SNX8: variants seen among roughly 807,000 people sequenced by gnomAD.
The protein encoded by SNX8 is sorting nexin-8.
SNX8 carries 25 observed loss-of-function variants against 51.6 expected under a neutral mutation model. That is an observed-to-expected ratio of 0.48 (90% CI 0.35 to 0.68). The LOEUF (loss-of-function observed/expected upper bound fraction) is 0.68. SNX8 is among the 30% of genes least tolerant of loss of function. The pLI is 0.00. For missense variants in SNX8, 695 were observed against 624.0 expected (o/e 1.11, Z -1.21); for synonymous variants, 324 against 277.0 (o/e 1.17, Z -1.68).
At chr7:2,259,252 T>C (rs1795277893) in intron 7 of SNX8, among the ~76,000 whole-genome samples, 1 of 152,164 alleles carries the variant, frequency 6.6e-6, no homozygotes, top group South Asian at 2.1e-4. Flanking sequence ...GCCAGGCCGA[T>C]GGCAGGTATC....
At chr7:2,303,363 C>G (rs984340880) in intron 1 of SNX8, among the ~76,000 whole-genome samples, 5 of 151,280 alleles carry the variant, frequency 3.3e-5, no homozygotes, top group African/African-American at 7.3e-5. Flanking sequence ...GCCAGCCGCC[C>G]CGTCTGGGAG....
At chr7:2,283,526 T>A (rs112023656) in intron 1 of SNX8, among the ~76,000 whole-genome samples, 1 of 152,242 alleles carries the variant, frequency 6.6e-6, no homozygotes, top group East Asian at 1.9e-4. Flanking sequence ...TGGTTCCTAC[T>A]GTCCCGTTTA....
intron 10 of SNX8, 42 bp from the exon 11 acceptor site, chr7:2,255,211 G>A (rs375447746): frequency 3.4e-5 from 44 of 1,282,884 alleles, no homozygotes; most frequent in African/African-American, 8.8e-5. Flanking sequence ...AGGCGGGGCC[G>A]GGGCTCCTCC....
chr7:2,259,034 G>A (rs1394352526), intron 7 of SNX8, among the ~76,000 whole-genome samples: 2 of 152,180 alleles, frequency 1.3e-5, no homozygotes, highest in Non-Finnish European at 1.5e-5. Context: ...GCGCAGGCCA[G>A]GCACAGTGCA....
chr7:2,315,285 C>T (rs183936275), upstream of SNX8, among the ~76,000 whole-genome samples: 93 of 151,534 alleles, frequency 6.1e-4, no homozygotes, highest in Non-Finnish European at 1.2e-3. Context: ...CCCACTCACC[C>T]ACTCACTCAC....
At chr7:2,327,309 G>A (rs183538556) in intron 1 of SNX8, among the ~76,000 whole-genome samples, 75 of 152,072 alleles carry the variant, frequency 4.9e-4, no homozygotes, top group Non-Finnish European at 5.9e-4. Flanking sequence ...GTGCAATCTC[G>A]GCTCACTGCA....
At chr7:2,264,690 G>A (rs1795423540) in intron 5 of SNX8, among the ~76,000 whole-genome samples, 2 of 152,318 alleles carry the variant, frequency 1.3e-5, no homozygotes, top group South Asian at 4.1e-4. Context: ...CCCATGGGAT[G>A]AGGACCACAG....
intron 1 of SNX8, among the ~76,000 whole-genome samples, chr7:2,307,175 A>G (rs1381862696): frequency 1.3e-5 from 2 of 152,112 alleles, no homozygotes; most frequent in Non-Finnish European, 2.9e-5. Context: ...ACCCCTCCTC[A>G]GTCCTCCCAA....
At chr7:2,265,136 C>T (rs904858327) in intron 5 of SNX8, among the ~76,000 whole-genome samples, 1 of 152,014 alleles carries the variant, frequency 6.6e-6, no homozygotes, top group Non-Finnish European at 1.5e-5. Context: ...GGGCGAATCA[C>T]GAGGTAAGGA....
chr7:2,339,913 T>C (rs1055623289), intron 1 of SNX8, among the ~76,000 whole-genome samples: 4 of 152,248 alleles, frequency 2.6e-5, no homozygotes, highest in Middle Eastern at 3.4e-3. Context: ...CACTTCGATA[T>C]CACTGGGAAA....
At chr7:2,293,895 G>A (rs749639387) in intron 1 of SNX8, among the ~76,000 whole-genome samples, 2 of 151,572 alleles carry the variant, frequency 1.3e-5, no homozygotes, top group Non-Finnish European at 2.9e-5. Flanking sequence ...GTACCCGGGA[G>A]GGGGAGGTTG....
chr7:2,268,343 G>A (rs1378461634), intron 5 of SNX8, among the ~76,000 whole-genome samples: 9 of 143,754 alleles, frequency 6.3e-5, no homozygotes, highest in South Asian at 2.3e-4. Flanking sequence ...CCCTCCGCCC[G>A]GCAGCTGCCC....
chr7:2,275,378 G>T, intron 2 of SNX8, 149 bp from the exon 3 acceptor site: 1 of 666,570 alleles, frequency 1.5e-6, no homozygotes, highest in Non-Finnish European at 2.7e-6. Context: ...TGACGGCTTC[G>T]TATATGGAAA....
upstream of SNX8, among the ~76,000 whole-genome samples, chr7:2,316,927 T>C (rs1796767057): frequency 6.6e-6 from 1 of 152,220 alleles, no homozygotes; most frequent in Admixed American, 6.6e-5. Context: ...GTGCATTCCT[T>C]GATCTGGAGG....
Position 2,313,090 on chromosome 7 carries a change from A to G in SNX8, c.94+1238T>C, listed in dbSNP as rs191863031. ...TTTTTTTTGTATTTTTAGTAGAGAC[A>G]GGGTTTCACCGTGTTAGCCAGGATG... On this transcript the variant is annotated intron_variant, in intron 1 of 10. Transcript: ENST00000222990. Among the ~76,000 whole-genome samples, 1,088 of 151,772 alleles carry G rather than the reference A, an allele frequency of 7.2e-3. 11 individuals carry two copies. Among genetic ancestry groups the G allele is most frequent in the African/African-American group, 0.025 (1,033 of 41,406 alleles).
intron 7 of SNX8, among the ~76,000 whole-genome samples, chr7:2,261,829 G>A (rs1214016937): frequency 6.6e-6 from 1 of 152,204 alleles, no homozygotes; most frequent in East Asian, 1.9e-4. Flanking sequence ...ACGGGCACCT[G>A]AGCGCCCCGT....
At chr7:2,314,465 C>G (rs1220246947), upstream of SNX8, 1 of 1,195,088 alleles carries the variant, frequency 8.4e-7, no homozygotes, top group African/African-American at 1.6e-5. Flanking sequence ...GCCACCCGGC[C>G]GCGCAGCCCT....
intron 1 of SNX8, among the ~76,000 whole-genome samples, chr7:2,296,661 T>C (rs1007892143): frequency 4.6e-5 from 7 of 152,024 alleles, no homozygotes; most frequent in Admixed American, 4.6e-4. Context: ...CCGGGTGTGG[T>C]GGCTCACACC....
intron 1 of SNX8, among the ~76,000 whole-genome samples, chr7:2,353,012 G>C (rs1215388229): frequency 6.6e-6 from 1 of 152,124 alleles, no homozygotes; most frequent in African/African-American, 2.4e-5. Flanking sequence ...CGTTAGGATG[G>C]GATGGGTGTG....
Sources: allele counts gnomAD v4.1 joint callset (sites outside exome capture counted in the v4.1 genomes callset), GRCh38; gene constraint gnomAD v4.1.1; transcripts MANE v1.5; gene names NCBI Gene and HGNC (gene_info 2026-07-23, HGNC 2026-07-21).